Variants in HDAC9 observed in about 807,000 individuals in gnomAD.
HDAC9 encodes histone deacetylase 9.
A neutral mutation model predicts 139.4 loss-of-function variants in HDAC9; 41 were observed. The observed-to-expected ratio is 0.29, with a 90% CI of 0.23 to 0.38. HDAC9 has a LOEUF of 0.38. Ranked by LOEUF, HDAC9 falls within the 10% of genes least tolerant of loss-of-function variation. The probability of loss-of-function intolerance (pLI) is 1.00; values close to 1 mark genes in which losing one functional copy is unlikely to be tolerated. For synonymous variants in HDAC9, 517 were observed against 476.2 expected, an observed-to-expected ratio of 1.09 and a Z score of -1.12; for missense variants, 1,147 against 1,297.0, an observed-to-expected ratio of 0.88 and a Z score of 1.78.
chr7:18,377,156 G>C (rs761270512), intron 1 of HDAC9, among the ~76,000 whole-genome samples: 2 of 152,054 alleles, frequency 1.3e-5, no homozygotes, highest in Non-Finnish European at 2.9e-5. Flanking sequence ...TCTGGTGGGA[G>C]CCTGCTTCCT....
chr7:18,129,701 A>G (rs1784888310), intron 1 of HDAC9, among the ~76,000 whole-genome samples: 1 of 152,138 alleles, frequency 6.6e-6, no homozygotes, highest in Non-Finnish European at 1.5e-5. Context: ...TAATCCATTC[A>G]TCTATCCAAC....
chr7:18,525,187 T>TAA (rs1169429330), intron 2 of HDAC9, among the ~76,000 whole-genome samples: 1 of 152,134 alleles, frequency 6.6e-6, no homozygotes, highest in African/African-American at 2.4e-5. Flanking sequence ...AATTATTTGA[T>TAA]AAATTTAATT....
intron 22 of HDAC9, among the ~76,000 whole-genome samples, chr7:18,891,539 G>A (rs1363081719): frequency 2.6e-5 from 4 of 152,194 alleles, no homozygotes; most frequent in African/African-American, 7.2e-5. Flanking sequence ...AAATCATTGA[G>A]TACCAGGCTT....
chr7:18,737,014 A>G (rs1313547009), intron 13 of HDAC9, among the ~76,000 whole-genome samples: 1 of 152,042 alleles, frequency 6.6e-6, no homozygotes, highest in Non-Finnish European at 1.5e-5. Context: ...TTTCTAGTTT[A>G]TTTGCATAGA....
intron 1 of HDAC9, among the ~76,000 whole-genome samples, chr7:18,307,338 T>A (rs1270145093): frequency 2.6e-5 from 4 of 152,048 alleles, no homozygotes; most frequent in Non-Finnish European, 5.9e-5. Flanking sequence ...ATTAGAAAGG[T>A]TCTGAATATG....
intron 11 of HDAC9, among the ~76,000 whole-genome samples, chr7:18,654,714 A>T (rs1014454628): frequency 1.3e-5 from 2 of 152,112 alleles, no homozygotes; most frequent in Admixed American, 6.6e-5. Flanking sequence ...AAGGCAAACA[A>T]ACATTAAAAA....
intron 1 of HDAC9, among the ~76,000 whole-genome samples, chr7:18,344,682 T>G (rs1450422648): frequency 6.6e-6 from 1 of 151,982 alleles, no homozygotes; most frequent in East Asian, 1.9e-4. Context: ...AAATAGGAGT[T>G]AAAAATTTGC....
intron 12 of HDAC9, chr7:18,667,268 T>G (rs922492528): frequency 2.0e-6 from 2 of 984,920 alleles, no homozygotes; most frequent in African/African-American, 3.5e-5. Context: ...ATGTGCAGCA[T>G]TATGGTCCAA....
At chr7:18,911,145 A>G (rs1480410825) in intron 22 of HDAC9, among the ~76,000 whole-genome samples, 1 of 144,124 alleles carries the variant, frequency 6.9e-6, no homozygotes, top group Non-Finnish European at 1.5e-5. Context: ...TGGTCTGTTC[A>G]GGCTTTTTTT....
intron 1 of HDAC9, among the ~76,000 whole-genome samples, chr7:18,403,136 G>T (rs1787693826): frequency 6.6e-6 from 1 of 152,138 alleles, no homozygotes; most frequent in Non-Finnish European, 1.5e-5. Flanking sequence ...TTGGAGCTGG[G>T]AATTATATTG....
intron 2 of HDAC9, among the ~76,000 whole-genome samples, chr7:18,234,071 C>T (rs190551169): frequency 7.7e-4 from 117 of 152,284 alleles, no homozygotes; most frequent in Admixed American, 2.2e-3. Flanking sequence ...CTTCAGTTTG[C>T]CTAGCTGGGT....
chr7:18,631,970 C>T (rs1782492566), intron 7 of HDAC9, among the ~76,000 whole-genome samples: 1 of 151,794 alleles, frequency 6.6e-6, no homozygotes, highest in Admixed American at 6.6e-5. Flanking sequence ...TAAGGAAATA[C>T]TTCAGTCTTA....
At chr7:18,305,972 C>T (rs557829869) in intron 1 of HDAC9, among the ~76,000 whole-genome samples, 8 of 152,210 alleles carry the variant, frequency 5.3e-5, no homozygotes, top group African/African-American at 1.9e-4. Flanking sequence ...TGAATTTATT[C>T]CCGCCCTCAG....
chr7:18,150,669 T>C (rs570985266), intron 1 of HDAC9, among the ~76,000 whole-genome samples: 10 of 152,340 alleles, frequency 6.6e-5, no homozygotes, highest in African/African-American at 2.4e-4. Context: ...CTTTTCTGTC[T>C]GGGTATTCAT....
At chr7:18,783,869 A>G (rs1300354668) in intron 16 of HDAC9, among the ~76,000 whole-genome samples, 1 of 152,044 alleles carries the variant, frequency 6.6e-6, no homozygotes, top group Non-Finnish European at 1.5e-5. Context: ...TACAATATTT[A>G]GGGCTACTAA....
chr7:18,532,142 T>G (rs1178701411), intron 2 of HDAC9, among the ~76,000 whole-genome samples: 2 of 151,928 alleles, frequency 1.3e-5, no homozygotes, highest in African/African-American at 4.8e-5. Flanking sequence ...CCCAGCTACT[T>G]GGGAGGCTGA....
chr7:18,289,692 A>G (rs1797687480), upstream of HDAC9, among the ~76,000 whole-genome samples: 1 of 152,136 alleles, frequency 6.6e-6, no homozygotes, highest in Non-Finnish European at 1.5e-5. Context: ...TGCATCATCT[A>G]GGGTTCTGGA....
At chr7:18,734,122 C>G (rs1786658448) in intron 13 of HDAC9, among the ~76,000 whole-genome samples, 2 of 152,064 alleles carry the variant, frequency 1.3e-5, no homozygotes, top group South Asian at 2.1e-4. Flanking sequence ...ATTGGTGCCA[C>G]TTTTCCAATA....
chr7:18,725,198 A>C (rs1785446121), intron 12 of HDAC9, among the ~76,000 whole-genome samples: 1 of 152,180 alleles, frequency 6.6e-6, no homozygotes, highest in Non-Finnish European at 1.5e-5. Context: ...GAAAAAAATG[A>C]ATCTAATCAT....
Sources: gnomAD v4.1 joint callset for allele counts (sites outside exome capture counted in the v4.1 genomes callset) on GRCh38, gnomAD v4.1.1 for gene constraint, MANE v1.5 for transcripts, NCBI Gene and HGNC (gene_info 2026-07-23, HGNC 2026-07-21) for gene names.